Variants in ADGRA3 observed in about 807,000 individuals in gnomAD.
ADGRA3 encodes G-protein coupled receptor 125.
A neutral mutation model predicts 119.8 loss-of-function variants in ADGRA3; 56 were observed. The ratio of observed to expected loss-of-function variants is 0.47; its 90% CI spans 0.38 to 0.58. The LOEUF is 0.58. Ranked by LOEUF, ADGRA3 falls within the 20% of genes least tolerant of loss-of-function variation. The probability of loss-of-function intolerance (pLI) is 0.00; values close to 1 mark genes in which losing one functional copy is unlikely to be tolerated. For synonymous variants in ADGRA3, 607 were observed against 623.8 expected (o/e 0.97, Z 0.40); for missense variants, 1,516 against 1,649.0 (o/e 0.92, Z 1.40).
rs184411625 is a variant in ADGRA3 at position 22,512,741 on chromosome 4, G to A, written c.257+2787C>T. On this transcript the variant is annotated intron_variant, in intron 1 of 18. Coordinates refer to ENST00000334304, the MANE Select transcript of ADGRA3 (RefSeq NM_145290.4). Reference sequence around the variant, plus strand: ...GAATTCTTCCTAAAGTCCTCAGAGAGAGCATGGCCCTGCTAATAGATTGAT... The same window carrying A: ...GAATTCTTCCTAAAGTCCTCAGAGAAAGCATGGCCCTGCTAATAGATTGAT... Among the ~76,000 whole-genome samples the A allele has an allele frequency of 8.9e-4, 135 of 152,304 alleles. 1 individual carries two copies. Among genetic ancestry groups the A allele is most frequent in the Middle Eastern group, 3.4e-3 (1 of 294 alleles).
chr4:22,443,830 T>C (rs1043015648), intron 6 of ADGRA3, among the ~76,000 whole-genome samples: 1 of 152,228 alleles, frequency 6.6e-6, no homozygotes, highest in African/African-American at 2.4e-5. Context: ...TTTGTTTCTC[T>C]GCTTCTTTTA....
chr4:22,425,865 C>CG (rs769879520), intron 10 of ADGRA3, among the ~76,000 whole-genome samples: 1 of 152,166 alleles, frequency 6.6e-6, no homozygotes, highest in African/African-American at 2.4e-5. Context: ...CCTGGAACCA[C>CG]GGGGTGAAGC....
At chr4:22,396,970 T>G (rs1176603313) in intron 16 of ADGRA3, among the ~76,000 whole-genome samples, 2 of 152,164 alleles carry the variant, frequency 1.3e-5, no homozygotes, top group African/African-American at 4.8e-5. Context: ...TGAATACTTT[T>G]AGACACAATG....
At chr4:22,416,709 C>T (rs565103239) in intron 12 of ADGRA3, among the ~76,000 whole-genome samples, 13 of 152,256 alleles carry the variant, frequency 8.5e-5, no homozygotes, top group African/African-American at 3.1e-4. Context: ...CATGTTTTGA[C>T]TTCTACCATT....
intron 16 of ADGRA3, among the ~76,000 whole-genome samples, chr4:22,396,485 G>A (rs1336878323): frequency 4.6e-5 from 7 of 152,184 alleles, no homozygotes; most frequent in Admixed American, 6.5e-5. Context: ...CCATTTTATA[G>A]AAGAAACGTT....
chr4:22,445,203 GT>G, intron 5 of ADGRA3, 70 bp from the exon 6 acceptor site: 1 of 1,403,688 alleles, frequency 7.1e-7, no homozygotes, highest in Non-Finnish European at 1.0e-6. Flanking sequence ...TTTATATTGG[GT>G]TACATTTCTG....
intron 16 of ADGRA3, chr4:22,393,836 G>A (rs909422012): frequency 1.3e-5 from 2 of 152,104 alleles, no homozygotes; most frequent in African/African-American, 2.4e-5. Context: ...TAGGGGTTTC[G>A]TAGGAATTGA....
intron 4 of ADGRA3, among the ~76,000 whole-genome samples, chr4:22,452,116 T>C (rs1577357370): frequency 6.6e-6 from 1 of 152,186 alleles, no homozygotes; most frequent in Non-Finnish European, 1.5e-5. Context: ...TGTTGAATGG[T>C]AAGAAGTTTC....
At chr4:22,429,171 A>G (rs1716060088) in intron 10 of ADGRA3, among the ~76,000 whole-genome samples, 2 of 152,182 alleles carry the variant, frequency 1.3e-5, no homozygotes, top group South Asian at 4.1e-4. Context: ...TGTAAATATT[A>G]AATATATTAA....
chr4:22,433,148 T>A (rs1716254634), intron 10 of ADGRA3, among the ~76,000 whole-genome samples: 1 of 152,180 alleles, frequency 6.6e-6, no homozygotes, highest in Non-Finnish European at 1.5e-5. Context: ...ATCCTGAATA[T>A]TTTCCTGTTT....
At position 22,402,709 on chromosome 4, in the gene ADGRA3, A is replaced by C; in HGVS notation, c.2323T>G (p.Leu775Val). The C allele has an allele frequency of 3.2e-5, 51 of 1,613,904 alleles. No homozygotes were observed. The highest frequency in any genetic ancestry group is 4.2e-5 in the Non-Finnish European group (50 of 1,179,820). Residue 775 changes from leucine to valine, a missense_variant, in exon 15 of 19, where the codon TTA (leucine) becomes GTA (valine). Transcript: ENST00000334304. Reference sequence around the variant, plus strand: ...TATATGTAACTGACAATGACGGCTAAGAGACATAAGAGGAGAATGATAGCG... The same window carrying C: ...TATATGTAACTGACAATGACGGCTACGAGACATAAGAGGAGAATGATAGCG... ...TTAIILLLCLLAVIVSYIYHH... is the reference protein window; with the variant it reads ...TTAIILLLCLVAVIVSYIYHH...
intron 11 of ADGRA3, among the ~76,000 whole-genome samples, chr4:22,423,617 A>ATTAT (rs1208811005): frequency 6.6e-6 from 1 of 152,246 alleles, no homozygotes; most frequent in African/African-American, 2.4e-5. Context: ...TTGAGTGATC[A>ATTAT]TTATTTATTA....
At chr4:22,461,693 T>A (rs960346227) in intron 3 of ADGRA3, 44 bp downstream of exon 3, 1 of 1,293,962 alleles carries the variant, frequency 7.7e-7, no homozygotes, top group African/African-American at 1.5e-5. Flanking sequence ...GCTATTTATA[T>A]AAGCAACAAT....
chr4:22,447,556 A>ATCAT, intron 4 of ADGRA3, 45 bp from the exon 5 acceptor site: 1 of 1,112,282 alleles, frequency 9.0e-7, no homozygotes, highest in Non-Finnish European at 1.3e-6. Context: ...ACAATTATCT[A>ATCAT]TCATTTTATC....
intron 1 of ADGRA3, among the ~76,000 whole-genome samples, chr4:22,498,720 C>A (rs1160759302): frequency 6.6e-6 from 1 of 152,008 alleles, no homozygotes; most frequent in Non-Finnish European, 1.5e-5. Flanking sequence ...TTGAGACCAG[C>A]CTGACCAACA....
intron 16 of ADGRA3, among the ~76,000 whole-genome samples, chr4:22,400,247 T>G (rs1389231054): frequency 6.6e-6 from 1 of 152,170 alleles, no homozygotes; most frequent in Non-Finnish European, 1.5e-5. Flanking sequence ...CCTGCACTCT[T>G]GTGTTCCCTG....
chr4:22,421,881 C>CCAAAAA (rs767609157), intron 11 of ADGRA3, among the ~76,000 whole-genome samples: 1 of 70,424 alleles, frequency 1.4e-5, no homozygotes, highest in African/African-American at 6.4e-5. Flanking sequence ...ACTCAGTCTC[C>CCAAAAA]AAAAAAAAAA....
At chr4:22,419,519 A>T (rs2109032595) in intron 12 of ADGRA3, among the ~76,000 whole-genome samples, 1 of 152,250 alleles carries the variant, frequency 6.6e-6, no homozygotes, top group East Asian at 1.9e-4. Flanking sequence ...GAAATTGACA[A>T]ATCTGAGTGT....
Position 22,388,145 on chromosome 4 carries a change from T to C in ADGRA3, c.3526A>G (p.Ser1176Gly), listed in dbSNP as rs1713925404. 6.2e-7 allele frequency: 1 copy of C among 1,614,120 alleles called. No homozygotes were observed. Among genetic ancestry groups the C allele is most frequent in the Non-Finnish European group, 8.5e-7 (1 of 1,180,002 alleles). Residue 1176 changes from serine (S) to glycine (G), a missense_variant, in exon 19 of 19, where the codon AGT becomes GGT. Ser to Gly is a moderately conservative substitution (Grantham distance 56, BLOSUM62 0). Transcript: ENST00000334304. ...VHSSRHHKNR[S>G]KGHRASRLTV... Reference sequence around the variant, plus strand: ...AGTCGGCTTGCCCGGTGTCCTTTACTTCTGTTTTTATGGTGGCGGCTTGAG... The same window carrying C: ...AGTCGGCTTGCCCGGTGTCCTTTACCTCTGTTTTTATGGTGGCGGCTTGAG...
Sources: gnomAD v4.1 joint callset for allele counts (sites outside exome capture counted in the v4.1 genomes callset) on GRCh38, gnomAD v4.1.1 for gene constraint, MANE v1.5 for transcripts, NCBI Gene and HGNC (gene_info 2026-07-23, HGNC 2026-07-21) for gene names.